CHSY3: variants seen among roughly 807,000 people sequenced by gnomAD.
CHSY3 encodes N-acetylgalactosaminyl-proteoglycan 3-beta-glucuronosyltransferase 3.
Under a neutral mutation model 67.2 loss-of-function variants are expected in CHSY3, and 35 were observed. The observed-to-expected ratio is 0.52, with a 90% CI of 0.40 to 0.69. The LOEUF is 0.69. Ranked by LOEUF, CHSY3 falls within the 30% of genes least tolerant of loss-of-function variation. The pLI is 0.00. For synonymous variants in CHSY3, 474 were observed against 434.7 expected (o/e 1.09, Z -1.12); for missense variants, 1,069 against 1,138.5 (o/e 0.94, Z 0.88).
intron 2 of CHSY3, among the ~76,000 whole-genome samples, chr5:130,061,203 C>CA (rs1765701819): frequency 6.6e-6 from 1 of 152,100 alleles, no homozygotes; most frequent in Non-Finnish European, 1.5e-5. Context: ...GATACTGGTA[C>CA]AAAAATAGAT....
chr5:129,966,937 C>T (rs915132413), intron 2 of CHSY3, among the ~76,000 whole-genome samples: 1 of 151,778 alleles, frequency 6.6e-6, no homozygotes, highest in African/African-American at 2.4e-5. Flanking sequence ...TCAAAGTACT[C>T]CTTGTGTAGG....
At chr5:130,009,701 T>C (rs1405238755) in intron 2 of CHSY3, among the ~76,000 whole-genome samples, 4 of 152,048 alleles carry the variant, frequency 2.6e-5, no homozygotes, top group Non-Finnish European at 2.9e-5. Flanking sequence ...AGTGGCAAGT[T>C]GGATAATGAA....
At chr5:130,101,910 T>C (rs981842476) in intron 2 of CHSY3, among the ~76,000 whole-genome samples, 3 of 152,184 alleles carry the variant, frequency 2.0e-5, no homozygotes, top group African/African-American at 7.2e-5. Flanking sequence ...TTGCTCCTTT[T>C]GTATTACATT....
intron 2 of CHSY3, among the ~76,000 whole-genome samples, chr5:129,975,719 A>AT (rs565505949): frequency 1.6e-3 from 246 of 152,284 alleles, no homozygotes; most frequent in African/African-American, 5.5e-3. Context: ...TAATGGAAAA[A>AT]TTACTTTTAA....
intron 2 of CHSY3, among the ~76,000 whole-genome samples, chr5:130,007,449 G>C (rs138964195): frequency 7.2e-4 from 109 of 152,198 alleles, no homozygotes; most frequent in Middle Eastern, 3.4e-3. Context: ...TGGGTTGAAG[G>C]GGGAGGGAGC....
At chr5:130,160,791 A>G (rs1271847588) in intron 2 of CHSY3, among the ~76,000 whole-genome samples, 1 of 152,180 alleles carries the variant, frequency 6.6e-6, no homozygotes, top group Non-Finnish European at 1.5e-5. Context: ...GTGTGTGACC[A>G]GTAAAGGGGT....
chr5:130,061,778 T>C (rs570905915), intron 2 of CHSY3, among the ~76,000 whole-genome samples: 3 of 151,658 alleles, frequency 2.0e-5, no homozygotes, highest in Non-Finnish European at 4.4e-5. Flanking sequence ...GAAGTACAAG[T>C]AGACAAAAAA....
intron 2 of CHSY3, among the ~76,000 whole-genome samples, chr5:130,160,912 T>TATTTATTTA (rs1206158613): frequency 4.3e-4 from 64 of 149,106 alleles, no homozygotes; most frequent in African/African-American, 8.2e-4. Flanking sequence ...TTTTTTTATT[T>TATTTATTTA]TTTTTTTTTT....
At chr5:130,184,080 T>C (rs1047032081) in intron 2 of CHSY3, 149 bp from the exon 3 acceptor site, 4 of 570,000 alleles carry the variant, frequency 7.0e-6, no homozygotes, top group East Asian at 7.7e-5. Context: ...TAATTTTAAA[T>C]AATATAAATA....
chr5:130,062,712 G>C (rs1765754472), intron 2 of CHSY3, among the ~76,000 whole-genome samples: 1 of 151,982 alleles, frequency 6.6e-6, no homozygotes. Context: ...ATTAGGTCCA[G>C]AGGCTAATAC....
At chr5:130,161,204 G>C (rs370291026) in intron 2 of CHSY3, among the ~76,000 whole-genome samples, 3 of 151,932 alleles carry the variant, frequency 2.0e-5, no homozygotes, top group Non-Finnish European at 4.4e-5. Flanking sequence ...ACGACCAGCC[G>C]ATAGGTAATT....
chr5:129,929,103 A>G (rs886279240), intron 2 of CHSY3, among the ~76,000 whole-genome samples: 3 of 152,186 alleles, frequency 2.0e-5, no homozygotes, highest in Middle Eastern at 3.2e-3. Flanking sequence ...AAGTTCAAGT[A>G]TATATAATAT....
intron 2 of CHSY3, among the ~76,000 whole-genome samples, chr5:129,999,871 G>A (rs964328140): frequency 1.3e-5 from 2 of 152,018 alleles, no homozygotes; most frequent in East Asian, 3.8e-4. Flanking sequence ...GGATACCTTT[G>A]TGACAACATC....
chr5:129,974,271 A>G (rs1268139029), intron 2 of CHSY3, among the ~76,000 whole-genome samples: 2 of 152,122 alleles, frequency 1.3e-5, no homozygotes, highest in Middle Eastern at 3.2e-3. Context: ...GGAATGTGCC[A>G]GTCTGGCTGT....
At chr5:129,933,517 CAG>C (rs1761384983) in intron 2 of CHSY3, among the ~76,000 whole-genome samples, 1 of 152,018 alleles carries the variant, frequency 6.6e-6, no homozygotes, top group Non-Finnish European at 1.5e-5. Context: ...AAGGGTGTAA[CAG>C]AAGTGTTTAC....
intron 2 of CHSY3, among the ~76,000 whole-genome samples, chr5:130,075,554 T>A (rs972224547): frequency 1.3e-5 from 2 of 152,156 alleles, no homozygotes; most frequent in Non-Finnish European, 2.9e-5. Flanking sequence ...ACATAAGACA[T>A]TATGTAGGCA....
At chr5:130,045,348 A>T (rs1159264870) in intron 2 of CHSY3, among the ~76,000 whole-genome samples, 1 of 152,072 alleles carries the variant, frequency 6.6e-6, no homozygotes, top group African/African-American at 2.4e-5. Flanking sequence ...GGAAGGACAT[A>T]TTTTTAAAAG....
chr5:129,916,770 T>C (rs1348673442), intron 2 of CHSY3, among the ~76,000 whole-genome samples: 3 of 152,314 alleles, frequency 2.0e-5, no homozygotes, highest in Non-Finnish European at 4.4e-5. Context: ...CACACATGCC[T>C]TCCTTGTCTT....
chr5:130,112,728 G>T (rs954461872), intron 2 of CHSY3, among the ~76,000 whole-genome samples: 1 of 152,088 alleles, frequency 6.6e-6, no homozygotes, highest in Non-Finnish European at 1.5e-5. Flanking sequence ...TGTGTAAAAT[G>T]TACAAGCTGC....
Sources: gnomAD v4.1 joint callset for allele counts (sites outside exome capture counted in the v4.1 genomes callset) on GRCh38, gnomAD v4.1.1 for gene constraint, MANE v1.5 for transcripts, NCBI Gene and HGNC (gene_info 2026-07-23, HGNC 2026-07-21) for gene names.